The following EDC3 variants were observed in gnomAD, a reference collection of about 807,000 sequenced individuals.
The protein encoded by EDC3 is enhancer of mRNA-decapping protein 3.
In EDC3, 20 loss-of-function variants were observed where a neutral mutation model predicts 41.8. The observed-to-expected ratio is 0.48, with a 90% CI of 0.34 to 0.70. The LOEUF (loss-of-function observed/expected upper bound fraction) is 0.70, where lower values mean the gene tolerates loss of function less well. Ranked by LOEUF, EDC3 falls within the 30% of genes least tolerant of loss-of-function variation. The probability of loss-of-function intolerance (pLI) is 0.01; values close to 1 mark genes in which losing one functional copy is unlikely to be tolerated. For synonymous variants in EDC3, 206 were observed against 243.2 expected (o/e 0.85, Z 1.42); for missense variants, 444 against 636.8 (o/e 0.70, Z 3.26).
intron 5 of EDC3, 119 bp from the exon 6 acceptor site, chr15:74,635,745 G>A: frequency 2.1e-6 from 2 of 958,256 alleles, no homozygotes; most frequent in Non-Finnish European, 3.1e-6. Flanking sequence ...TGCTCACCAA[G>A]TCCCAGGCTC....
At chr15:74,679,752 T>G (rs2062847793) in intron 1 of EDC3, 2 of 116,800 alleles carry the variant, frequency 1.7e-5, no homozygotes, top group African/African-American at 3.7e-5. Flanking sequence ...AGACCTTATT[T>G]CTACCAAAAA....
At chr15:74,687,899 C>CTT (rs2062957358) in intron 1 of EDC3, among the ~76,000 whole-genome samples, 1 of 152,210 alleles carries the variant, frequency 6.6e-6, no homozygotes, top group African/African-American at 2.4e-5. Context: ...TATGAAAAGG[C>CTT]TTTTACTGTT....
intron 1 of EDC3, among the ~76,000 whole-genome samples, chr15:74,692,199 C>T (rs981279075): frequency 6.6e-6 from 1 of 152,164 alleles, no homozygotes; most frequent in African/African-American, 2.4e-5. Context: ...TAAAGCCTTT[C>T]ATCTGGCCTT....
chr15:74,658,875 G>C (rs1476156435), intron 3 of EDC3, among the ~76,000 whole-genome samples: 11 of 152,104 alleles, frequency 7.2e-5, no homozygotes, highest in Admixed American at 7.2e-4. Flanking sequence ...AGGAGGCGGA[G>C]GTTGCAGTGA....
At chr15:74,645,780 T>G (rs1306794362) in intron 4 of EDC3, among the ~76,000 whole-genome samples, 3 of 151,222 alleles carry the variant, frequency 2.0e-5, no homozygotes, top group Non-Finnish European at 4.4e-5. Context: ...CTAGGGAGGC[T>G]GAGGTCAGGG....
chr15:74,657,583 T>G (rs961625296), intron 3 of EDC3, among the ~76,000 whole-genome samples: 1 of 152,222 alleles, frequency 6.6e-6, no homozygotes, highest in Non-Finnish European at 1.5e-5. Context: ...TGAGTCTGAG[T>G]GTCTGGCAGT....
chr15:74,656,626 G>A (rs1028021412), intron 3 of EDC3, among the ~76,000 whole-genome samples: 6 of 152,328 alleles, frequency 3.9e-5, no homozygotes, highest in Middle Eastern at 3.4e-3. Context: ...CATAATGACA[G>A]AGGCAGGAGG....
intron 3 of EDC3, among the ~76,000 whole-genome samples, chr15:74,670,372 ATGG>A (rs1172417988): frequency 1.3e-5 from 2 of 152,184 alleles, no homozygotes; most frequent in African/African-American, 4.8e-5. Flanking sequence ...TGAATTAACT[ATGG>A]TTTTGGAAGG....
intron 1 of EDC3, among the ~76,000 whole-genome samples, chr15:74,688,986 C>T (rs527862356): frequency 1.3e-5 from 2 of 151,704 alleles, no homozygotes; most frequent in African/African-American, 4.8e-5. Flanking sequence ...TTTCTCATAG[C>T]TGTGCTGTTT....
At chr15:74,637,021 T>C (rs1224242933) in intron 5 of EDC3, 3 of 152,172 alleles carry the variant, frequency 2.0e-5, no homozygotes, top group Admixed American at 6.5e-5. Context: ...GTACCAGCAG[T>C]ATCATGTGGG....
chr15:74,664,963 A>G (rs2062660743), intron 3 of EDC3, among the ~76,000 whole-genome samples: 1 of 152,242 alleles, frequency 6.6e-6, no homozygotes, highest in South Asian at 2.1e-4. Flanking sequence ...CACTAAACAG[A>G]GGCACTGTCA....
chr15:74,653,094 C>G (rs550750538), intron 4 of EDC3, among the ~76,000 whole-genome samples: 1 of 151,378 alleles, frequency 6.6e-6, no homozygotes, highest in African/African-American at 2.4e-5. Flanking sequence ...GCAGGAGAAT[C>G]GCTTGAACCT....
chr15:74,685,360 G>A (rs1232298006), intron 1 of EDC3, among the ~76,000 whole-genome samples: 1 of 152,086 alleles, frequency 6.6e-6, no homozygotes, highest in Non-Finnish European at 1.5e-5. Flanking sequence ...CCATGATCAG[G>A]CCACTGCACC....
rs1253653143 is a variant in EDC3, at chr15:74,635,399, A to C, written c.1192+10T>G. ...GGAGGCCTTCAGCCCAGCCCTGCCT[A>C]AGTGCTCACCTTTGAGGCTAGACAC... On this transcript the variant is annotated intron_variant, in intron 6 of 6. Transcript: ENST00000315127. 1 of 1,613,706 alleles carries C rather than the reference A, an allele frequency of 6.2e-7. No homozygotes were observed. Among genetic ancestry groups the C allele is most frequent in the African/African-American group, 1.3e-5 (1 of 74,942 alleles).
chr15:74,662,934 G>A (rs1472581532), intron 3 of EDC3, among the ~76,000 whole-genome samples: 4 of 152,166 alleles, frequency 2.6e-5, no homozygotes, highest in African/African-American at 7.2e-5. Flanking sequence ...TCTGAAGGCA[G>A]GTCAGACTTG....
At position 74,632,824 on chromosome 15, in the gene EDC3, C is replaced by T. The variant is rs999717700; in HGVS notation, c.1315G>A (p.Val439Ile). 55 of 1,614,140 alleles carry T rather than the reference C, an allele frequency of 3.4e-5. No homozygotes were observed. Among genetic ancestry groups the T allele is most frequent in the Non-Finnish European group, 4.6e-5 (54 of 1,180,044 alleles). Residue 439 changes from valine to isoleucine, a missense_variant, in exon 7 of 7, where the codon GTA (valine) becomes ATA (isoleucine). By Grantham distance (29) the Val-to-Ile change is conservative. Coordinates refer to ENST00000315127, the MANE Select transcript of EDC3 (RefSeq NM_025083.5). The surrounding 1 kb of genome is among the most constrained non-coding windows in gnomAD (Gnocchi z 4.0). ...TGCACAGGAGGGTCTATGCTGAGTACTGGTGCCCGGTTCTGGTTGGCCCAG... is the reference window on the plus strand; with the variant it reads ...TGCACAGGAGGGTCTATGCTGAGTATTGGTGCCCGGTTCTGGTTGGCCCAG... ...VAWANQNRAP[V>I]LSIDPPVHEV...
At chr15:74,640,367 CCT>C in intron 5 of EDC3, 97 bp downstream of exon 5, 4 of 1,349,938 alleles carry the variant, frequency 3.0e-6, no homozygotes, top group Non-Finnish European at 4.1e-6. Context: ...GCAGAAACTG[CCT>C]AATGAACTCG....
At chr15:74,684,087 T>G (rs552565881) in intron 1 of EDC3, among the ~76,000 whole-genome samples, 12 of 147,016 alleles carry the variant, frequency 8.2e-5, no homozygotes, top group African/African-American at 2.5e-4. Flanking sequence ...TGTTTCTGTT[T>G]TTTTTTTTTT....
chr15:74,638,670 A>ATATCTC (rs2062306669), intron 5 of EDC3: 1 of 151,930 alleles, frequency 6.6e-6, no homozygotes, highest in Non-Finnish European at 1.5e-5. Context: ...GACTATTTGG[A>ATATCTC]TATCTCACAG....
Sources: allele counts gnomAD v4.1 joint callset (sites outside exome capture counted in the v4.1 genomes callset), GRCh38; gene constraint gnomAD v4.1.1; non-coding constraint Gnocchi (gnomAD v3.1); transcripts MANE v1.5; gene names NCBI Gene and HGNC (gene_info 2026-07-23, HGNC 2026-07-21).